Variants in ATXN2L observed in about 807,000 individuals in gnomAD.
ATXN2L encodes ataxin 2 like.
A neutral mutation model predicts 120.7 loss-of-function variants in ATXN2L; 24 were observed. The observed-to-expected ratio is 0.20, with a 90% CI of 0.14 to 0.28. The LOEUF (loss-of-function observed/expected upper bound fraction) is 0.28, where lower values mean the gene tolerates loss of function less well. Among genes scored for constraint, ATXN2L ranks in the 10% least tolerant of loss-of-function variants. The pLI, the probability that ATXN2L is intolerant of heterozygous loss-of-function variation, is 1.00. For synonymous variants in ATXN2L, 653 were observed against 568.1 expected (o/e 1.15, Z -2.13); for missense variants, 1,312 against 1,432.3 (o/e 0.92, Z 1.36).
At position 28,826,296 on chromosome 16, in the gene ATXN2L, T is replaced by C; in HGVS notation, c.522T>C (p.Pro174=). Reference sequence around the variant, plus strand: ...AAGCATCTGAGCCAGCAGGTGGCCCTCGTCGGGAGGACATTGTGGACACCA... The same window carrying C: ...AAGCATCTGAGCCAGCAGGTGGCCCCCGTCGGGAGGACATTGTGGACACCA... ...HRKASEPAGG[P]RREDIVDTMV... Residue 174 remains proline (P), a synonymous_variant, in exon 5 of 22, where the codon CCT becomes CCC. Transcript: ENST00000336783. 1 of 1,614,224 alleles carries C rather than the reference T, an allele frequency of 6.2e-7. No individual in the cohort carries two copies. Among genetic ancestry groups the C allele is most frequent in the Non-Finnish European group, 8.5e-7 (1 of 1,180,046 alleles).
chr16:28,835,765 GC>G lies in ATXN2L; in HGVS notation c.2895+10del, dbSNP rs745361187. 74 of 1,614,088 alleles carry G rather than the reference GC, an allele frequency of 4.6e-5. 1 individual carries two copies. In the Admixed American group the frequency reaches 6.8e-4, roughly 15 times the overall value. On this transcript the variant is annotated splice_region_variant and intron_variant, in intron 21 of 21. Coordinates refer to ENST00000336783, the MANE Select transcript of ATXN2L (RefSeq NM_007245.4). ...CATGGCCCATGTTACCCAGGTAAGA[GC>G]CCAGCTGTCCCACTTCTGGGTCTGT...
Position 28,825,453 on chromosome 16 carries a change from T to C in ATXN2L, c.336+51T>C, listed in dbSNP as rs183708639. The C allele has an allele frequency of 1.5e-3, 2,418 of 1,597,464 alleles. 27 individuals are homozygous for C. Among genetic ancestry groups the C allele is most frequent in the South Asian group, 0.013 (1,182 of 90,690 alleles). ...AAGATACATAGACCTAAAAGATGCA[T>C]AATGTGGGAATATAGGGCACATTAG... On this transcript the variant is annotated intron_variant, in intron 2 of 21. Coordinates refer to ENST00000336783, the MANE Select transcript of ATXN2L (RefSeq NM_007245.4).
intron 12 of ATXN2L, 106 bp from the exon 13 acceptor site, chr16:28,832,710 GT>G: frequency 7.0e-7 from 1 of 1,422,250 alleles, no homozygotes; most frequent in Non-Finnish European, 9.7e-7. Flanking sequence ...ATCCTCAAGA[GT>G]TTCTCTTTTT....
chr16:28,823,606 T>C, intron 1 of ATXN2L, 48 bp downstream of exon 1: 1 of 1,284,398 alleles, frequency 7.8e-7, no homozygotes, highest in Non-Finnish European at 9.8e-7. Context: ...ACCCAGAGGC[T>C]GTGGCTCGGT....
At chr16:28,825,716 A>G in intron 3 of ATXN2L, 36 bp downstream of exon 3, 1 of 1,613,406 alleles carries the variant, frequency 6.2e-7, no homozygotes, top group Non-Finnish European at 8.5e-7. Flanking sequence ...TGTTTAAGGA[A>G]CGTAATGCAT....
intron 6 of ATXN2L, among the ~76,000 whole-genome samples, chr16:28,828,895 C>T (rs919608115): frequency 6.6e-6 from 1 of 152,144 alleles, no homozygotes; most frequent in Non-Finnish European, 1.5e-5. Flanking sequence ...AGGCATGCGC[C>T]ACCACGGATG....
In ATXN2L at chr16:28,837,187, A is replaced by G. The variant is rs58962255; in HGVS notation, c.*922A>G. On this transcript the variant is annotated 3_prime_UTR_variant, in exon 22 of 22. Transcript: ENST00000336783. ...GACAAGGACTTTTACTTTTTATTACATAAAAATATTAAAAAATAAATAAAA... is the reference window on the plus strand; with the variant it reads ...GACAAGGACTTTTACTTTTTATTACGTAAAAATATTAAAAAATAAATAAAA... 1,894 of 178,340 alleles carry G rather than the reference A, an allele frequency of 0.011. 104 individuals are homozygous for G. The East Asian group carries it at 0.14, about 13-fold the overall frequency. 11.0% of individuals were successfully genotyped at this position (178,340 alleles called of 1,614,324 possible). A position where few individuals can be genotyped will look rare whatever the true frequency, so the allele number is the denominator to read the frequency against.
intron 10 of ATXN2L, 36 bp from the exon 11 acceptor site, chr16:28,832,169 G>C: frequency 6.2e-7 from 1 of 1,611,598 alleles, no homozygotes; most frequent in Non-Finnish European, 8.5e-7. Context: ...CTGTTGACCA[G>C]CAGTAACCAT....
intron 8 of ATXN2L, among the ~76,000 whole-genome samples, chr16:28,830,389 G>A (rs998278995): frequency 1.3e-5 from 2 of 152,164 alleles, no homozygotes; most frequent in African/African-American, 4.8e-5. Context: ...TAGAATTGTG[G>A]AGCACTGGCC....
chr16:28,824,604 C>T, intron 1 of ATXN2L: 1 of 1,237,780 alleles, frequency 8.1e-7, no homozygotes. Context: ...GGATACCCCT[C>T]CTCCCACAGT....
chr16:28,830,305 A>G (rs114952882), intron 8 of ATXN2L, among the ~76,000 whole-genome samples: 2,306 of 152,312 alleles, frequency 0.015, 60 homozygotes, highest in African/African-American at 0.052. Context: ...AAATATAACT[A>G]CATTATTTGT....
chr16:28,833,749 A>G, intron 15 of ATXN2L: 1 of 610,402 alleles, frequency 1.6e-6, no homozygotes, highest in Non-Finnish European at 2.9e-6. Flanking sequence ...TGAGGGGTTA[A>G]CAGGCTTTTC....
chr16:28,832,377 G>A lies in ATXN2L; in HGVS notation c.1494G>A (p.Lys498=). The change falls in exon 11 of 22, where the codon AAG becomes AAA. Residue 498 remains lysine (K), a synonymous_variant. Transcript: ENST00000336783. ...GCTCCATTTCTCCAGCTTCTCCAAA[G>A]ATCTCCCTGGCCCCCACAGATGGTA... ...GVGSISPASP[K]ISLAPTDVKE... 1.2e-6 allele frequency: 2 copies of A among 1,614,158 alleles called. No homozygotes were observed. The highest frequency in any genetic ancestry group is 1.7e-6 in the Non-Finnish European group (2 of 1,180,032).
At position 28,826,410 on chromosome 16, in the gene ATXN2L, C is replaced by A; in HGVS notation, c.616+20C>A. The stretch of plus-strand genomic sequence containing the variant: ...CTAAAGGTATTGTCCTAGGCTGTTA[C>A]CTCAGACCTGCTCTGTGTGCATAGA... On this transcript the variant is annotated intron_variant, in intron 5 of 21. Transcript: ENST00000336783. 6.2e-7 allele frequency: 1 copy of A among 1,612,954 alleles called. No individual in the cohort carries two copies. The highest frequency in any genetic ancestry group is 8.5e-7 in the Non-Finnish European group (1 of 1,179,144).
chr16:28,830,334 C>T (rs773128161), intron 8 of ATXN2L, among the ~76,000 whole-genome samples: 3 of 152,064 alleles, frequency 2.0e-5, no homozygotes, highest in Non-Finnish European at 2.9e-5. Flanking sequence ...AAAACTATCC[C>T]TGGAACTACG....
intron 1 of ATXN2L, among the ~76,000 whole-genome samples, chr16:28,825,099 C>T (rs2051349832): frequency 6.6e-6 from 1 of 150,912 alleles, no homozygotes; most frequent in South Asian, 2.1e-4. Flanking sequence ...TACCTATAGT[C>T]TCAGCCACTC....
rs770993364 is a variant in ATXN2L at position 28,823,307 on chromosome 16, GC to G, written c.54del (p.Thr19ArgfsTer119). On this transcript the variant is annotated frameshift_variant, in exon 1 of 22. Transcript: ENST00000336783. LOFTEE classifies it high-confidence loss of function. Reference protein sequence around the residue: ...LQQPSQPQQPPPTQQAVARRP... With the variant: ...LQQPSQPQQPXPTQQAVARRP... ...AACAGCCCTCCCAGCCCCAGCAGCC[GC>G]CCCCCACGCAACAGGCCGTGGCCCG... 15 of 1,487,512 alleles carry G rather than the reference GC, an allele frequency of 1.0e-5. No individual in the cohort carries two copies. The highest frequency in any genetic ancestry group is 2.6e-5 in the South Asian group (2 of 77,150). The allele number at this position is 1,487,512 out of a possible 1,614,324, so 92.1% of individuals were successfully genotyped here.
rs1223191943 is a variant in ATXN2L at position 28,826,348 on chromosome 16, C to G, written c.574C>G (p.Leu192Val). The G allele has an allele frequency of 4.3e-6, 7 of 1,614,194 alleles. No individual in the cohort carries two copies. The highest frequency in any genetic ancestry group is 5.9e-6 in the Non-Finnish European group (7 of 1,180,024). Reference protein sequence around the residue: ...TMVFKPSDVMLVHFRNVDFNY... With the variant: ...TMVFKPSDVMVVHFRNVDFNY... ...GGTGTTTAAGCCAAGTGATGTCATG[C>G]TTGTTCACTTCCGAAATGTTGACTT... The change falls in exon 5 of 22, where the codon CTT becomes GTT. Residue 192 changes from leucine (L) to valine (V), a missense_variant. Transcript: ENST00000336783.
At chr16:28,834,990 A>C in intron 18 of ATXN2L, 68 bp from the exon 19 acceptor site, 1 of 1,567,520 alleles carries the variant, frequency 6.4e-7, no homozygotes, top group Non-Finnish European at 8.6e-7. Context: ...CTGTGCACGC[A>C]GTGACTGGCA....
Sources: gnomAD v4.1 joint callset for allele counts (sites outside exome capture counted in the v4.1 genomes callset) on GRCh38, gnomAD v4.1.1 for gene constraint, MANE v1.5 for transcripts, NCBI Gene and HGNC (gene_info 2026-07-23, HGNC 2026-07-21) for gene names.